The following SAMD9 variants were observed in gnomAD, a reference collection of about 807,000 sequenced individuals.
The protein encoded by SAMD9 is sterile alpha motif domain-containing protein 9.
A neutral mutation model predicts 1.5 loss-of-function variants in SAMD9; 3 were observed. The observed-to-expected ratio is 2.05, with a 90% CI of 0.93 to 5.29. The LOEUF (loss-of-function observed/expected upper bound fraction) is 5.29, where lower values mean the gene tolerates loss of function less well. Ranked by LOEUF, SAMD9 falls within the 30% of genes most tolerant of loss-of-function variation. SAMD9 has a pLI of 0.02. For synonymous variants in SAMD9, 635 were observed against 631.9 expected, an observed-to-expected ratio of 1.00 and a Z score of -0.07; for missense variants, 1,597 against 1,820.8, an observed-to-expected ratio of 0.88 and a Z score of 2.24.
At chr7:93,107,051 T>G (rs1483721159) in intron 2 of SAMD9, among the ~76,000 whole-genome samples, 2 of 152,094 alleles carry the variant, frequency 1.3e-5, no homozygotes, top group Non-Finnish European at 2.9e-5. Flanking sequence ...TAATTTTTTT[T>G]TTTTTTGAGA....
At position 93,102,182 on chromosome 7, in the gene SAMD9, T is replaced by C; in HGVS notation, c.3916A>G (p.Ile1306Val). ...VAGYFKKYVD[I>V]FCLLEESQNN... ...TGTGATTCTTCTAAGAGACAAAATATATCTACATATTTCTTAAAATATCCA... is the reference window on the plus strand; with the variant it reads ...TGTGATTCTTCTAAGAGACAAAATACATCTACATATTTCTTAAAATATCCA... The change falls in exon 3 of 3, where the codon ATA (isoleucine) becomes GTA (valine). Residue 1306 changes from isoleucine to valine, a missense_variant. By Grantham distance (29) the Ile-to-Val change is conservative. Coordinates refer to ENST00000379958, the MANE Select transcript of SAMD9 (RefSeq NM_017654.4). 6.2e-7 allele frequency: 1 copy of C among 1,613,656 alleles called. No homozygotes were observed.
In SAMD9 at chr7:93,105,201, T is replaced by C; in HGVS notation, c.897A>G (p.Leu299=). Residue 299 remains leucine, a synonymous_variant, in exon 3 of 3, where the codon CTA becomes CTG. Coordinates refer to ENST00000379958, the MANE Select transcript of SAMD9 (RefSeq NM_017654.4). Reference sequence around the variant, plus strand: ...CCACTTCAATAACAAATCTGTCAGATAGAGTACTATTTGGCAGTAAAACTT... The same window carrying C: ...CCACTTCAATAACAAATCTGTCAGACAGAGTACTATTTGGCAGTAAAACTT... ...FVEVLLPNST[L]SDRFVIEVDI... The C allele has an allele frequency of 2.5e-6, 4 of 1,613,842 alleles. No individual in the cohort carries two copies. The highest frequency in any genetic ancestry group is 3.4e-6 in the Non-Finnish European group (4 of 1,179,922).
intron 2 of SAMD9, among the ~76,000 whole-genome samples, chr7:93,108,399 A>G (rs1408592986): frequency 6.6e-6 from 1 of 152,198 alleles, no homozygotes; most frequent in East Asian, 1.9e-4. Context: ...GACACAGAAG[A>G]CAGGTGATTT....
intron 2 of SAMD9, among the ~76,000 whole-genome samples, chr7:93,110,941 C>T (rs946704296): frequency 2.6e-5 from 4 of 152,218 alleles, no homozygotes; most frequent in Non-Finnish European, 2.9e-5. Context: ...GAACTCAGCT[C>T]TGCACCAAGT....
At position 93,102,970 on chromosome 7, in the gene SAMD9, T is replaced by C. The variant is rs1791562423; in HGVS notation, c.3128A>G (p.His1043Arg). 2.5e-6 allele frequency: 4 copies of C among 1,613,892 alleles called. No homozygotes were observed. The highest frequency in any genetic ancestry group is 1.3e-5 in the African/African-American group (1 of 75,056). The stretch of plus-strand genomic sequence containing the variant: ...AAACCAATTTCCTGTTTCACCTTCA[T>C]GTTCATCGCGGTGTCTTGTGAGTAG... ...TLLLTRHRDE[H>R]EGETGNWFSP... is the part of the protein sequence containing the mutation. Residue 1043 changes from histidine (H) to arginine (R), a missense_variant, in exon 3 of 3, where the codon CAT (histidine) becomes CGT (arginine). By Grantham distance (29) the His-to-Arg change is conservative (BLOSUM62 0). Around this residue, in one of 6 missense-constraint regions of SAMD9, gnomAD observed 682 missense variants for 810.0 expected, o/e 0.84. Coordinates refer to ENST00000379958, the MANE Select transcript of SAMD9 (RefSeq NM_017654.4).
In SAMD9 at chr7:93,103,352, T is replaced by G. The variant is rs1230353822; in HGVS notation, c.2746A>C (p.Lys916Gln). Residue 916 changes from lysine to glutamine, a missense_variant, in exon 3 of 3, where the codon AAG (lysine) becomes CAG (glutamine). Transcript: ENST00000379958. ...KGQNIFTKEA[K>Q]LFSFLALLNS... ...AGAAGAGCCAGAAAAGAAAAGAGCTTTGCTTCCTTGGTGAAAATATTCTGC... is the reference window on the plus strand; with the variant it reads ...AGAAGAGCCAGAAAAGAAAAGAGCTGTGCTTCCTTGGTGAAAATATTCTGC... 1.2e-6 allele frequency: 2 copies of G among 1,613,406 alleles called. No individual in the cohort carries two copies. The highest frequency in any genetic ancestry group is 1.7e-6 in the Non-Finnish European group (2 of 1,179,486).
In SAMD9 at chr7:93,102,219, C is replaced by G. The variant is rs753990969; in HGVS notation, c.3879G>C (p.Arg1293=). 4 of 1,613,574 alleles carry G rather than the reference C, an allele frequency of 2.5e-6. No homozygotes were observed. Residue 1293 remains arginine, a synonymous_variant, in exon 3 of 3, where the codon CGG becomes CGC. Coordinates refer to ENST00000379958, the MANE Select transcript of SAMD9 (RefSeq NM_017654.4). ...NIKQNEEAKT[R]RKVAGYFKKY... ...TCTTAAAATATCCAGCCACCTTTCT[C>G]CGAGTTTTGGCCTCTTCATTTTGCT...
Position 93,101,733 on chromosome 7 carries a change from C to T in SAMD9, c.4365G>A (p.Glu1455=). The change falls in exon 3 of 3, where the codon GAG becomes GAA. Residue 1455 remains glutamate, a synonymous_variant. Coordinates refer to ENST00000379958, the MANE Select transcript of SAMD9 (RefSeq NM_017654.4). Reference sequence around the variant, plus strand: ...AAGAATTTTTTAGTGCTTGAGCATACTCTTTCATTTGTTCAGAATGTTGAT... The same window carrying T: ...AAGAATTTTTTAGTGCTTGAGCATATTCTTTCATTTGTTCAGAATGTTGAT... ...QLDQHSEQMK[E]YAQALKNSFK... 2 of 1,613,792 alleles carry T rather than the reference C, an allele frequency of 1.2e-6. No homozygotes were observed. The highest frequency in any genetic ancestry group is 1.7e-6 in the Non-Finnish European group (2 of 1,179,776).
Position 93,101,348 on chromosome 7 carries a change from A to C in SAMD9, c.4750T>G (p.Tyr1584Asp), listed in dbSNP as rs745425438. 3 of 1,612,398 alleles carry C rather than the reference A, an allele frequency of 1.9e-6. No individual in the cohort carries two copies. Among genetic ancestry groups the C allele is most frequent in the Non-Finnish European group, 2.5e-6 (3 of 1,179,434 alleles). Reference sequence around the variant, plus strand: ...GGCTCTTAAACAATTTCAATGTCATAAGCAAGTGGGCCTCCAATGGAAAAT... The same window carrying C: ...GGCTCTTAAACAATTTCAATGTCATCAGCAAGTGGGCCTCCAATGGAAAAT... ...LGFSIGGPLAYDIEIV is the reference protein window; with the variant it reads ...LGFSIGGPLADDIEIV The change falls in exon 3 of 3, where the codon TAT becomes GAT. Residue 1584 changes from tyrosine (Y) to aspartate (D), a missense_variant. Coordinates refer to ENST00000379958, the MANE Select transcript of SAMD9 (RefSeq NM_017654.4).
chr7:93,110,583 C>G (rs1359997565), intron 2 of SAMD9, among the ~76,000 whole-genome samples: 1 of 152,034 alleles, frequency 6.6e-6, no homozygotes, highest in Non-Finnish European at 1.5e-5. Flanking sequence ...GAGACACACA[C>G]AGGCTCAAAA....
rs750272212 is a variant in SAMD9 at position 93,105,445 on chromosome 7, T to C, written c.653A>G (p.Glu218Gly). 1 of 1,614,044 alleles carries C rather than the reference T, an allele frequency of 6.2e-7. No individual in the cohort carries two copies. Among genetic ancestry groups the C allele is most frequent in the Non-Finnish European group, 8.5e-7 (1 of 1,179,974 alleles). Reference sequence around the variant, plus strand: ...ACAAGCTGAAGCAAATCGGAAAACCTCATTGCTAAATTTCATCTTGACATC... The same window carrying C: ...ACAAGCTGAAGCAAATCGGAAAACCCCATTGCTAAATTTCATCTTGACATC... Reference protein sequence around the residue: ...EEDVKMKFSNEVFRFASACMN... With the variant: ...EEDVKMKFSNGVFRFASACMN... Residue 218 changes from glutamate (E) to glycine (G), a missense_variant, in exon 3 of 3, where the codon GAG becomes GGG. By Grantham distance (98) the Glu-to-Gly change is moderately conservative. This residue lies in a region of SAMD9 where 498 missense variants were observed against 457.4 expected (regional missense o/e 1.09). Transcript: ENST00000379958.
In SAMD9 at chr7:93,105,108, G is replaced by C; in HGVS notation, c.990C>G (p.Asn330Lys). Residue 330 changes from asparagine to lysine, a missense_variant, in exon 3 of 3, where the codon AAC (asparagine) becomes AAG (lysine). This residue lies in a region of SAMD9 where 498 missense variants were observed against 457.4 expected (regional missense o/e 1.09). Coordinates refer to ENST00000379958, the MANE Select transcript of SAMD9 (RefSeq NM_017654.4). ...YFQIKMQNYN[N>K]KIWEQSKKFS... Reference sequence around the variant, plus strand: ...ATTTTTTACTTTGTTCCCATATTTTGTTGTTGTAATTTTGCATTTTAATCT... The same window carrying C: ...ATTTTTTACTTTGTTCCCATATTTTCTTGTTGTAATTTTGCATTTTAATCT... 1 of 1,613,732 alleles carries C rather than the reference G, an allele frequency of 6.2e-7. No homozygotes were observed. Among genetic ancestry groups the C allele is most frequent in the South Asian group, 1.1e-5 (1 of 91,068 alleles).
chr7:93,106,602 G>A (rs967812624), intron 2 of SAMD9, among the ~76,000 whole-genome samples: 11 of 152,126 alleles, frequency 7.2e-5, no homozygotes, highest in African/African-American at 2.2e-4. Context: ...AGTTAGAAAG[G>A]GATATAAGAA....
At chr7:93,116,321 T>A (rs530878382) in intron 1 of SAMD9, among the ~76,000 whole-genome samples, 2 of 152,336 alleles carry the variant, frequency 1.3e-5, no homozygotes, top group East Asian at 3.9e-4. Flanking sequence ...GGTTCTCATA[T>A]AAGAGTGTGG....
In SAMD9 at chr7:93,103,131, T is replaced by G; in HGVS notation, c.2967A>C (p.Ala989=). The G allele has an allele frequency of 6.2e-7, 1 of 1,613,852 alleles. No individual in the cohort carries two copies. Among genetic ancestry groups the G allele is most frequent in the Non-Finnish European group, 8.5e-7 (1 of 1,179,750 alleles). ...CGVRIIHSLI[A]EFSLEELKKS... is the part of the protein sequence containing the mutation. ...TCTTCAATTCTTCCAGTGAGAACTC[T>G]GCAATCAAAGAGTGAATGATGCGTA... Residue 989 remains alanine (A), a synonymous_variant, in exon 3 of 3, where the codon GCA becomes GCC. Transcript: ENST00000379958.
intron 2 of SAMD9, among the ~76,000 whole-genome samples, chr7:93,112,124 A>G (rs1230372572): frequency 6.6e-6 from 1 of 152,228 alleles, no homozygotes; most frequent in Non-Finnish European, 1.5e-5. Flanking sequence ...AGTGGGCTTC[A>G]TCACTGGGAT....
chr7:93,113,804 T>C (rs933842696), intron 2 of SAMD9, among the ~76,000 whole-genome samples: 1 of 152,080 alleles, frequency 6.6e-6, no homozygotes, highest in Admixed American at 6.6e-5. Flanking sequence ...AAACAACAGG[T>C]GCTGGAGAGG....
chr7:93,106,003 T>G lies in SAMD9; in HGVS notation c.95A>C (p.His32Pro), dbSNP rs746748986. 6.3e-7 allele frequency: 1 copy of G among 1,592,606 alleles called. No homozygotes were observed. Among genetic ancestry groups the G allele is most frequent in the African/African-American group, 1.4e-5 (1 of 73,726 alleles). The change falls in exon 3 of 3, where the codon CAC becomes CCC. Residue 32 changes from histidine (H) to proline (P), a missense_variant. Physicochemically the swap from His to Pro is moderately conservative, Grantham distance 77. Transcript: ENST00000379958. The part of the protein sequence containing the change: ...WLESHKIDQK[H>P]REILTEQDVN... ...GTCTTGTTCAGTCAAAATTTCCCTG[T>G]GTTTTTGGTCAATCTTATGACTTTC...
Position 93,104,943 on chromosome 7 carries a change from AT to A in SAMD9, c.1154del (p.Asn385IlefsTer14), listed in dbSNP as rs2116420546. ...ACTTTGGTCCCTCTCTTTCTTTTTTATTTGTTTTTGCTCTGAATTTTTCTTC... is the reference window on the plus strand; with the variant it reads ...ACTTTGGTCCCTCTCTTTCTTTTTTATTGTTTTTGCTCTGAATTTTTCTTC... The part of the protein sequence containing the change: ...AAEEKFRAKT[N>X]KKEREGPKLV... On this transcript the variant is annotated frameshift_variant, in exon 3 of 3. Coordinates refer to ENST00000379958, the MANE Select transcript of SAMD9 (RefSeq NM_017654.4). LOFTEE classifies it low-confidence loss of function (END_TRUNC). 6.2e-7 allele frequency: 1 copy of A among 1,609,970 alleles called. No homozygotes were observed. The highest frequency in any genetic ancestry group is 8.5e-7 in the Non-Finnish European group (1 of 1,178,824).
Sources: allele counts gnomAD v4.1 joint callset (sites outside exome capture counted in the v4.1 genomes callset), GRCh38; gene constraint gnomAD v4.1.1; regional missense constraint gnomAD v4.1.1; transcripts MANE v1.5; gene names NCBI Gene and HGNC (gene_info 2026-07-23, HGNC 2026-07-21).